KCNK13: variants seen among roughly 807,000 people sequenced by gnomAD.
KCNK13 encodes potassium channel subfamily K member 13.
KCNK13 carries 12 observed loss-of-function variants against 23.4 expected under a neutral mutation model. That is an observed-to-expected ratio of 0.51 (90% CI 0.33 to 0.83). The LOEUF is 0.83. Ranked by LOEUF, KCNK13 falls within the 40% of genes least tolerant of loss-of-function variation. The pLI, the probability that KCNK13 is intolerant of heterozygous loss-of-function variation, is 0.02. For synonymous variants in KCNK13, 231 were observed against 229.5 expected (o/e 1.01, Z -0.06); for missense variants, 463 against 556.3 (o/e 0.83, Z 1.69).
At chr14:90,084,062 T>A (rs2140396693) in intron 1 of KCNK13, among the ~76,000 whole-genome samples, 1 of 152,364 alleles carries the variant, frequency 6.6e-6, no homozygotes, top group Non-Finnish European at 1.5e-5. Flanking sequence ...GTGTCTTGAT[T>A]ACTGTGGCTT....
chr14:90,137,089 T>C (rs1889946265), intron 1 of KCNK13, among the ~76,000 whole-genome samples: 1 of 152,166 alleles, frequency 6.6e-6, no homozygotes, highest in South Asian at 2.1e-4. Context: ...TTCATGTTTG[T>C]GCTCATTTAA....
chr14:90,106,769 C>T, intron 1 of KCNK13, among the ~76,000 whole-genome samples: 1 of 151,380 alleles, frequency 6.6e-6, no homozygotes, highest in Admixed American at 6.6e-5. Context: ...TACCTGTAAT[C>T]CCAGCACTTT....
intron 1 of KCNK13, among the ~76,000 whole-genome samples, chr14:90,139,376 C>G (rs1005609015): frequency 3.3e-5 from 5 of 151,958 alleles, no homozygotes; most frequent in Non-Finnish European, 7.4e-5. Context: ...ATAGCAGATG[C>G]AAAGGCCCTG....
At chr14:90,176,827 C>T (rs1358028306) in intron 1 of KCNK13, among the ~76,000 whole-genome samples, 5 of 152,100 alleles carry the variant, frequency 3.3e-5, no homozygotes, top group Admixed American at 6.6e-5. Flanking sequence ...CAAGACCATC[C>T]TGGCCAACGT....
rs1266403083 is a variant in KCNK13, at chr14:90,184,780, G to A, written c.1004G>A (p.Ser335Asn). Residue 335 changes from serine (S) to asparagine (N), a missense_variant, in exon 2 of 2, where the codon AGT becomes AAT. By Grantham distance (46) the Ser-to-Asn change is conservative. This residue lies in a region of KCNK13 where 166 missense variants were observed against 178.8 expected (regional missense o/e 0.93). Transcript: ENST00000282146. The surrounding 1 kb of genome is among the most constrained non-coding windows in gnomAD (Gnocchi z 5.6). ...ISIETDGVAE[S>N]DTDGRRLSGE... is the part of the protein sequence containing the mutation. The stretch of plus-strand genomic sequence containing the variant: ...ATAGAGACAGACGGGGTGGCAGAGA[G>A]TGACACGGACGGGCGCCGGCTCTCA... 4 of 1,613,154 alleles carry A rather than the reference G, an allele frequency of 2.5e-6. No individual in the cohort carries two copies. Among genetic ancestry groups the A allele is most frequent in the East Asian group, 4.5e-5 (2 of 44,846 alleles).
At chr14:90,100,781 T>A (rs1236624217) in intron 1 of KCNK13, among the ~76,000 whole-genome samples, 1 of 152,152 alleles carries the variant, frequency 6.6e-6, no homozygotes, top group Non-Finnish European at 1.5e-5. Context: ...AGCCTCCAAC[T>A]CTTGGGCTCA....
At chr14:90,121,751 G>A (rs569796360) in intron 1 of KCNK13, among the ~76,000 whole-genome samples, 11 of 152,030 alleles carry the variant, frequency 7.2e-5, no homozygotes, top group South Asian at 6.2e-4. Context: ...AGACAGTCTC[G>A]CTCTGTCGCC....
rs1596760406 is a variant in KCNK13, at chr14:90,062,299, C to T, written c.94C>T (p.Leu32=). The T allele has an allele frequency of 2.6e-6, 4 of 1,562,010 alleles. No homozygotes were observed. The highest frequency in any genetic ancestry group is 3.4e-6 in the Non-Finnish European group (4 of 1,162,192). Residue 32 remains leucine (L), a synonymous_variant, in exon 1 of 2, where the codon CTG becomes TTG. Coordinates refer to ENST00000282146, the MANE Select transcript of KCNK13 (RefSeq NM_022054.4). The surrounding 1 kb of genome is among the most constrained non-coding windows in gnomAD (Gnocchi z 4.5). ...GGCCGCGCTCATCGTGCTCTACCTG[C>T]TGGGCGGCGCCGCCGTCTTCTCCGC... ...LLAALIVLYL[L]GGAAVFSALE...
At chr14:90,135,579 G>A (rs1333973446) in intron 1 of KCNK13, among the ~76,000 whole-genome samples, 1 of 152,190 alleles carries the variant, frequency 6.6e-6, no homozygotes, top group Non-Finnish European at 1.5e-5. Context: ...CAGGCCCGTG[G>A]ACAGACGTTA....
At chr14:90,101,345 C>T (rs540188685) in intron 1 of KCNK13, among the ~76,000 whole-genome samples, 22 of 152,202 alleles carry the variant, frequency 1.4e-4, no homozygotes, top group Admixed American at 9.2e-4. Flanking sequence ...TATCTTGTCC[C>T]GGACCAGAGT....
intron 1 of KCNK13, among the ~76,000 whole-genome samples, chr14:90,162,414 A>G (rs972084202): frequency 3.9e-5 from 6 of 152,224 alleles, no homozygotes; most frequent in African/African-American, 7.2e-5. Context: ...CCAACAGGGG[A>G]AAAGGAAAAA....
intron 1 of KCNK13, among the ~76,000 whole-genome samples, chr14:90,111,054 A>AC (rs1051151616): frequency 1.3e-5 from 2 of 151,874 alleles, no homozygotes; most frequent in Non-Finnish European, 1.5e-5. Context: ...CTCACTCTGA[A>AC]CCCCCTGATC....
intron 1 of KCNK13, among the ~76,000 whole-genome samples, chr14:90,103,714 T>C (rs1029767986): frequency 2.5e-4 from 38 of 152,052 alleles, no homozygotes; most frequent in Non-Finnish European, 5.0e-4. Flanking sequence ...AGGCTCCCAC[T>C]ACCTTCCCCG....
intron 1 of KCNK13, among the ~76,000 whole-genome samples, chr14:90,131,432 A>G (rs1889870661): frequency 6.6e-6 from 1 of 152,008 alleles, no homozygotes; most frequent in South Asian, 2.1e-4. Flanking sequence ...GGGTTTCACC[A>G]TGTTGGCCAA....
At chr14:90,066,290 AGTCTCAAT>A (rs540563096) in intron 1 of KCNK13, among the ~76,000 whole-genome samples, 304 of 146,478 alleles carry the variant, frequency 2.1e-3, no homozygotes, top group South Asian at 6.3e-3. Context: ...TTTTTGAGGG[AGTCTCAAT>A]TTGCCACCCA....
In KCNK13 at chr14:90,117,961, C is replaced by A. The variant is rs565780831; in HGVS notation, c.334+55422C>A. On this transcript the variant is annotated intron_variant, in intron 1 of 1. Transcript: ENST00000282146. ...CTTTTGTGTCTGGCTCTGTTTCTTA[C>A]CCACACAACAGGTGAGTTCGATTGC... Among the ~76,000 whole-genome samples, 4 of 152,292 alleles carry A rather than the reference C, an allele frequency of 2.6e-5. No individual in the cohort carries two copies. The South Asian group carries it at 8.3e-4, about 32-fold the overall frequency.
intron 1 of KCNK13, among the ~76,000 whole-genome samples, chr14:90,146,665 A>C (rs1890077029): frequency 6.6e-6 from 1 of 151,912 alleles, no homozygotes; most frequent in African/African-American, 2.4e-5. Flanking sequence ...GTGTCTTTAT[A>C]CTTAAAAATG....
rs138151872 is a variant in KCNK13, at chr14:90,088,655, C to T, written c.334+26116C>T. Among the ~76,000 whole-genome samples, 416 of 152,294 alleles carry T rather than the reference C, an allele frequency of 2.7e-3. 3 individuals are homozygous for T. The highest frequency in any genetic ancestry group is 9.6e-3 in the African/African-American group (399 of 41,564). On this transcript the variant is annotated intron_variant, in intron 1 of 1. Coordinates refer to ENST00000282146, the MANE Select transcript of KCNK13 (RefSeq NM_022054.4). ...ATGTCAGGCCCACATTCCTCTGTGC[C>T]AGCCATTCACTGAAGATGAGCTACA...
At chr14:90,140,414 A>G (rs1041634828) in intron 1 of KCNK13, among the ~76,000 whole-genome samples, 36 of 152,318 alleles carry the variant, frequency 2.4e-4, no homozygotes, top group Admixed American at 1.5e-3. Context: ...GTACCGTACT[A>G]CAAGGCAGTA....
Sources: gnomAD v4.1 joint callset for allele counts (sites outside exome capture counted in the v4.1 genomes callset) on GRCh38, gnomAD v4.1.1 for gene constraint, gnomAD v4.1.1 regional missense constraint, Gnocchi (gnomAD v3.1) non-coding constraint, MANE v1.5 for transcripts, NCBI Gene and HGNC (gene_info 2026-07-23, HGNC 2026-07-21) for gene names.